Variants in ACER2 observed in about 807,000 individuals in gnomAD.
ACER2 encodes the protein alkCDase 2.
A neutral mutation model predicts 34.7 loss-of-function variants in ACER2; 26 were observed. That is an observed-to-expected ratio of 0.75 (90% CI 0.55 to 1.04). The LOEUF (loss-of-function observed/expected upper bound fraction) is 1.04, where lower values mean the gene tolerates loss of function less well. Among genes scored for constraint, ACER2 ranks in the 50% least tolerant of loss-of-function variants. The pLI is 0.00. For synonymous variants in ACER2, 138 were observed against 132.1 expected, an observed-to-expected ratio of 1.04 and a Z score of -0.31; for missense variants, 352 against 340.8, an observed-to-expected ratio of 1.03 and a Z score of -0.26.
chr9:19,418,012 AC>A (rs1482259301), intron 1 of ACER2, among the ~76,000 whole-genome samples: 2 of 152,262 alleles, frequency 1.3e-5, no homozygotes, highest in African/African-American at 2.4e-5. Flanking sequence ...AAGAAAAAAA[AC>A]AACCCCATCA....
intron 3 of ACER2, among the ~76,000 whole-genome samples, chr9:19,428,863 G>C (rs10125261): frequency 0.22 from 29,834 of 136,940 alleles, 3,196 homozygotes; most frequent in South Asian, 0.3. Flanking sequence ...GATCTTGGCT[G>C]ACTACAACCT....
chr9:19,438,866 T>A (rs1831055312), intron 4 of ACER2, among the ~76,000 whole-genome samples: 1 of 151,704 alleles, frequency 6.6e-6, no homozygotes, highest in African/African-American at 2.4e-5. Context: ...GCTCATTGCA[T>A]CTTCGAACTC....
At chr9:19,416,093 A>G (rs1332338200) in intron 1 of ACER2, among the ~76,000 whole-genome samples, 1 of 150,690 alleles carries the variant, frequency 6.6e-6, no homozygotes, top group African/African-American at 2.4e-5. Context: ...ACATTCATGT[A>G]TATGAAGGGA....
At chr9:19,429,365 T>C (rs1215215004) in intron 3 of ACER2, among the ~76,000 whole-genome samples, 2 of 152,160 alleles carry the variant, frequency 1.3e-5, no homozygotes, top group African/African-American at 4.8e-5. Context: ...AGGATCTCAC[T>C]CTGTTGCCCA....
At position 19,424,682 on chromosome 9, in the gene ACER2, G is replaced by C. The variant is rs1481216212; in HGVS notation, c.224-18G>C. On this transcript the variant is annotated intron_variant, in intron 2 of 5. Coordinates refer to ENST00000340967, the MANE Select transcript of ACER2 (RefSeq NM_001010887.3). ...TCTTCTGTGGTGACCTTTTTTTATT[G>C]GTTGTAATTGATTCTAGGAATTGGA... 1.2e-6 allele frequency: 2 copies of C among 1,610,888 alleles called. No homozygotes were observed. Among genetic ancestry groups the C allele is most frequent in the Non-Finnish European group, 8.5e-7 (1 of 1,179,542 alleles).
In ACER2 at chr9:19,444,434, G is replaced by A. The variant is rs561850406; in HGVS notation, c.504-1847G>A. 5.9e-5 allele frequency among the ~76,000 whole-genome samples: 9 copies of A among 152,014 alleles called. No homozygotes were observed. The South Asian group carries it at 1.7e-3, about 28-fold the overall frequency. The stretch of plus-strand genomic sequence containing the variant: ...TCACCGGATTAGCCAGGATGGTCTC[G>A]ATCTCCTGACCTCTGGTCCGCCCGC... On this transcript the variant is annotated intron_variant, in intron 4 of 5. Coordinates refer to ENST00000340967, the MANE Select transcript of ACER2 (RefSeq NM_001010887.3).
chr9:19,420,805 G>C (rs1005884330), intron 1 of ACER2, among the ~76,000 whole-genome samples: 2 of 152,162 alleles, frequency 1.3e-5, no homozygotes, highest in African/African-American at 4.8e-5. Context: ...CTGCTTCAAA[G>C]ACGGAGTATA....
chr9:19,438,010 A>G (rs775277035), intron 4 of ACER2, among the ~76,000 whole-genome samples: 45 of 152,212 alleles, frequency 3.0e-4, no homozygotes, highest in Non-Finnish European at 5.4e-4. Flanking sequence ...TGAAAAGTCA[A>G]AGGTCTGTAT....
At chr9:19,435,884 C>T (rs1397021981) in intron 4 of ACER2, among the ~76,000 whole-genome samples, 2 of 150,578 alleles carry the variant, frequency 1.3e-5, no homozygotes, top group African/African-American at 4.9e-5. Context: ...CCCGTCTCTA[C>T]TAAAAATACA....
intron 4 of ACER2, among the ~76,000 whole-genome samples, chr9:19,442,605 A>G (rs1184601260): frequency 6.6e-6 from 1 of 152,200 alleles, no homozygotes; most frequent in East Asian, 1.9e-4. Context: ...GATGCCCTCC[A>G]TGCAGGACAT....
At chr9:19,443,888 C>T (rs1831242753) in intron 4 of ACER2, among the ~76,000 whole-genome samples, 2 of 152,022 alleles carry the variant, frequency 1.3e-5, no homozygotes. Flanking sequence ...AACTCCTGAT[C>T]TCAAGTGATC....
chr9:19,442,171 C>A (rs867710470), intron 4 of ACER2, among the ~76,000 whole-genome samples: 1 of 152,038 alleles, frequency 6.6e-6, no homozygotes, highest in Non-Finnish European at 1.5e-5. Flanking sequence ...AACTCAGATA[C>A]ATTGATATTT....
At chr9:19,445,314 C>T (rs1393098458) in intron 4 of ACER2, among the ~76,000 whole-genome samples, 1 of 152,240 alleles carries the variant, frequency 6.6e-6, no homozygotes, top group Non-Finnish European at 1.5e-5. Flanking sequence ...TCATTCAACA[C>T]ATGTTGAGTG....
intron 5 of ACER2, chr9:19,446,622 G>T (rs972884946): frequency 1.3e-5 from 13 of 985,274 alleles, no homozygotes; most frequent in Non-Finnish European, 1.6e-5. Flanking sequence ...AGGCTTAGCC[G>T]GAACGAAAGG....
In ACER2 at chr9:19,435,981, G is replaced by A. The variant is rs535841874; in HGVS notation, c.503+897G>A. Among the ~76,000 whole-genome samples, 210 of 151,198 alleles carry A rather than the reference G, an allele frequency of 1.4e-3. 1 individual carries two copies. Among genetic ancestry groups the A allele is most frequent in the Middle Eastern group, 6.9e-3 (2 of 290 alleles). ...GGAGAATGGTGTGAACCCGGGAGGC[G>A]GAGCTTGCAGTGAGCCGCGATTGTG... On this transcript the variant is annotated intron_variant, in intron 4 of 5. Coordinates refer to ENST00000340967, the MANE Select transcript of ACER2 (RefSeq NM_001010887.3).
chr9:19,422,107 GACC>G (rs1830423123), intron 1 of ACER2, among the ~76,000 whole-genome samples: 1 of 148,424 alleles, frequency 6.7e-6, no homozygotes, highest in Non-Finnish European at 1.5e-5. Flanking sequence ...AACATAGTGA[GACC>G]ACCATCTCTA....
intron 4 of ACER2, among the ~76,000 whole-genome samples, chr9:19,442,398 C>T (rs1209265924): frequency 6.6e-6 from 1 of 152,172 alleles, no homozygotes; most frequent in East Asian, 1.9e-4. Context: ...TAATGGACCG[C>T]AGCTTTGGAC....
At chr9:19,412,069 C>T (rs959145240) in intron 1 of ACER2, among the ~76,000 whole-genome samples, 3 of 152,158 alleles carry the variant, frequency 2.0e-5, no homozygotes, top group African/African-American at 7.2e-5. Flanking sequence ...GCCACTGTAA[C>T]TAACTTAGAT....
Position 19,424,683 on chromosome 9 carries a change from G to A in ACER2, c.224-17G>A, listed in dbSNP as rs778821313. 2 of 1,611,602 alleles carry A rather than the reference G, an allele frequency of 1.2e-6. No homozygotes were observed. Among genetic ancestry groups the A allele is most frequent in the Non-Finnish European group, 8.5e-7 (1 of 1,179,684 alleles). ...CTTCTGTGGTGACCTTTTTTTATTG[G>A]TTGTAATTGATTCTAGGAATTGGAT... On this transcript the variant is annotated splice_polypyrimidine_tract_variant and intron_variant, in intron 2 of 5. Transcript: ENST00000340967.
Sources: gnomAD v4.1 joint callset for allele counts (sites outside exome capture counted in the v4.1 genomes callset) on GRCh38, gnomAD v4.1.1 for gene constraint, MANE v1.5 for transcripts, NCBI Gene and HGNC (gene_info 2026-07-23, HGNC 2026-07-21) for gene names.